WWC1: variants seen among roughly 807,000 people sequenced by gnomAD.
WWC1 encodes WW and C2 domain containing 1, also known as protein KIBRA.
A neutral mutation model predicts 138.4 loss-of-function variants in WWC1; 55 were observed. The ratio of observed to expected loss-of-function variants is 0.40; its 90% CI spans 0.32 to 0.50. The LOEUF (loss-of-function observed/expected upper bound fraction) is 0.50. Ranked by LOEUF, WWC1 falls within the 20% of genes least tolerant of loss-of-function variation. The probability of loss-of-function intolerance (pLI) is 0.72; values close to 1 mark genes in which losing one functional copy is unlikely to be tolerated. For synonymous variants in WWC1, 524 were observed against 564.9 expected, an observed-to-expected ratio of 0.93 and a Z score of 1.03; for missense variants, 1,226 against 1,420.4, an observed-to-expected ratio of 0.86 and a Z score of 2.20.
Position 168,424,023 on chromosome 5 carries a change from T to TA in WWC1, c.1766dup (p.Tyr589Ter), listed in dbSNP as rs1781327331. 6.2e-7 allele frequency: 1 copy of TA among 1,612,652 alleles called. No homozygotes were observed. Among genetic ancestry groups the TA allele is most frequent in the Non-Finnish European group, 8.5e-7 (1 of 1,179,270 alleles). The change falls in exon 11 of 23, where the codon TAC (tyrosine) becomes TAAC (stop). Residue 589 changes from tyrosine (Y) to a stop codon, truncating the protein, a stop_gained and frameshift_variant. Coordinates refer to ENST00000265293, the MANE Select transcript of WWC1 (RefSeq NM_015238.3). LOFTEE classifies it high-confidence loss of function. ...CCTTGGTAACAGCGCCCAGGAAAGATACCGGCTGGAGGAACCAGGAACGGA... is the reference window on the plus strand; with the variant it reads ...CCTTGGTAACAGCGCCCAGGAAAGATAACCGGCTGGAGGAACCAGGAACGGA... ...LSLGNSAQER[Y>*]RLEEPGTEGK...
At chr5:168,310,957 G>T (rs1434072952) in intron 1 of WWC1, among the ~76,000 whole-genome samples, 6 of 152,158 alleles carry the variant, frequency 3.9e-5, no homozygotes, top group African/African-American at 1.4e-4. Flanking sequence ...TTTTTATGAG[G>T]ATTAAACTGA....
intron 1 of WWC1, among the ~76,000 whole-genome samples, chr5:168,305,308 GGCCACTCT>G (rs1770454885): frequency 6.6e-6 from 1 of 151,966 alleles, no homozygotes; most frequent in Non-Finnish European, 1.5e-5. Context: ...AATCCTTGCT[GGCCACTCT>G]GAACCTCCAC....
At chr5:168,372,254 G>C (rs1776816823) in intron 2 of WWC1, among the ~76,000 whole-genome samples, 1 of 145,288 alleles carries the variant, frequency 6.9e-6, no homozygotes, top group African/African-American at 2.5e-5. Context: ...AACCCAGGGA[G>C]CAATCCTCCA....
chr5:168,354,856 C>G (rs1775272542), intron 1 of WWC1, among the ~76,000 whole-genome samples: 1 of 152,168 alleles, frequency 6.6e-6, no homozygotes, highest in Non-Finnish European at 1.5e-5. Context: ...GCTATATGCT[C>G]TGTATCCCTG....
At chr5:168,434,239 C>T (rs987998233) in intron 15 of WWC1, among the ~76,000 whole-genome samples, 3 of 152,224 alleles carry the variant, frequency 2.0e-5, no homozygotes, top group African/African-American at 7.2e-5. Flanking sequence ...CCAAAGCGCT[C>T]ATCTCACTGT....
intron 10 of WWC1, 111 bp downstream of exon 10, chr5:168,422,208 G>A (rs1383725223): frequency 1.9e-6 from 2 of 1,075,832 alleles, no homozygotes; most frequent in East Asian, 5.2e-5. Flanking sequence ...GCTTGAGAGT[G>A]GATGTTTAGA....
At chr5:168,457,249 G>A (rs75736622) in intron 19 of WWC1, among the ~76,000 whole-genome samples, 1,547 of 150,750 alleles carry the variant, frequency 0.01, 19 homozygotes, top group African/African-American at 0.036. Context: ...ACTTACTGAA[G>A]GCTACAAGAT....
At chr5:168,414,187 G>C in intron 8 of WWC1, 161 bp from the exon 9 acceptor site, 1 of 1,061,194 alleles carries the variant, frequency 9.4e-7, no homozygotes, top group East Asian at 2.6e-5. Flanking sequence ...GCACCCACAT[G>C]TGTTTGTTTA....
intron 7 of WWC1, among the ~76,000 whole-genome samples, 189 bp from the exon 8 acceptor site, chr5:168,409,733 G>A (rs1405737479): frequency 3.3e-5 from 5 of 152,186 alleles, no homozygotes; most frequent in South Asian, 4.1e-4. Context: ...GGTTCTTCCC[G>A]TGGCCTGAAG....
At chr5:168,443,709 A>G (rs1754992704) in intron 16 of WWC1, among the ~76,000 whole-genome samples, 1 of 152,144 alleles carries the variant, frequency 6.6e-6, no homozygotes, top group South Asian at 2.1e-4. Context: ...CCAGGCCTTC[A>G]GTTGATTTTA....
At chr5:168,391,827 A>T (rs1337296705) in intron 3 of WWC1, among the ~76,000 whole-genome samples, 1 of 147,834 alleles carries the variant, frequency 6.8e-6, no homozygotes, top group Non-Finnish European at 1.5e-5. Flanking sequence ...AAGAACAGCA[A>T]TAAAATTTGG....
chr5:168,394,880 C>T (rs796207186), intron 3 of WWC1, among the ~76,000 whole-genome samples: 8 of 152,300 alleles, frequency 5.3e-5, no homozygotes, highest in African/African-American at 1.9e-4. Flanking sequence ...GATGTGTGCA[C>T]TTCTATGTAT....
chr5:168,406,457 T>G (rs1288061883), intron 6 of WWC1, 130 bp downstream of exon 6: 6 of 1,364,860 alleles, frequency 4.4e-6, no homozygotes, highest in Admixed American at 2.1e-5. Context: ...TTCCTGGGGT[T>G]TTGGTTCCAT....
Position 168,394,947 on chromosome 5 carries a change from C to G in WWC1, c.434-2777C>G, listed in dbSNP as rs541496587. On this transcript the variant is annotated intron_variant, in intron 3 of 22. Coordinates refer to ENST00000265293, the MANE Select transcript of WWC1 (RefSeq NM_015238.3). ...CAAAAGGATAAGTAGCAGGCTACAT[C>G]TTGTGTCAGCGGCTTTAGGTAAAAA... is the stretch of plus-strand genomic sequence containing the variant. 2.6e-5 allele frequency among the ~76,000 whole-genome samples: 4 copies of G among 152,340 alleles called. No homozygotes were observed. In the East Asian group the frequency reaches 7.7e-4, roughly 29 times the overall value.
At chr5:168,422,974 C>T (rs1306170456) in intron 10 of WWC1, among the ~76,000 whole-genome samples, 1 of 151,674 alleles carries the variant, frequency 6.6e-6, no homozygotes, top group Non-Finnish European at 1.5e-5. Context: ...GGTGAAACCC[C>T]CTCTCTACTA....
chr5:168,317,598 C>A (rs1445288693), intron 1 of WWC1, among the ~76,000 whole-genome samples: 1 of 152,158 alleles, frequency 6.6e-6, no homozygotes, highest in Non-Finnish European at 1.5e-5. Context: ...CCTATTTCCC[C>A]CATTGCCTCC....
chr5:168,406,464 C>G lies in WWC1; in HGVS notation c.720+137C>G, dbSNP rs1779801190. ...TACCAGTCTTCCTGGGGTTTTGGTT[C>G]CATTTCATAGAGGAGGACGTGGAGG... On this transcript the variant is annotated intron_variant, in intron 6 of 22. Coordinates refer to ENST00000265293, the MANE Select transcript of WWC1 (RefSeq NM_015238.3). The G allele has an allele frequency of 4.5e-6, 6 of 1,324,218 alleles. No homozygotes were observed. The South Asian group carries it at 5.6e-5, about 12-fold the overall frequency. 82.0% of individuals were successfully genotyped at this position (1,324,218 alleles called of 1,614,324 possible).
chr5:168,353,489 C>A (rs563853431), intron 1 of WWC1, among the ~76,000 whole-genome samples: 44 of 152,360 alleles, frequency 2.9e-4, no homozygotes, highest in African/African-American at 1.0e-3. Flanking sequence ...TCTTGCCAAC[C>A]CTCCACCTCT....
At chr5:168,367,546 C>A (rs1776402328) in intron 1 of WWC1, among the ~76,000 whole-genome samples, 1 of 111,790 alleles carries the variant, frequency 8.9e-6, no homozygotes, top group African/African-American at 3.1e-5. Flanking sequence ...GTCTCGATCT[C>A]CTGACCTCGT....
Sources: gnomAD v4.1 joint callset for allele counts (sites outside exome capture counted in the v4.1 genomes callset) on GRCh38, gnomAD v4.1.1 for gene constraint, MANE v1.5 for transcripts, NCBI Gene and HGNC (gene_info 2026-07-23, HGNC 2026-07-21) for gene names.